The following SH3BGRL variants were observed in gnomAD, a reference collection of about 807,000 sequenced individuals.
The protein encoded by SH3BGRL is adapter SH3BGRL.
Under a neutral mutation model 9.8 loss-of-function variants are expected in SH3BGRL, and 7 were observed. The ratio of observed to expected loss-of-function variants is 0.72; its 90% confidence interval spans 0.41 to 1.35. The LOEUF (loss-of-function observed/expected upper bound fraction) is 1.35. Ranked by LOEUF, SH3BGRL falls within the 40% of genes most tolerant of loss-of-function variation. The probability of loss-of-function intolerance (pLI) is 0.01; values close to 1 mark genes in which losing one functional copy is unlikely to be tolerated. For synonymous variants in SH3BGRL, 36 were observed against 29.1 expected (o/e 1.24, Z -0.76); for missense variants, 73 against 84.4 (o/e 0.86, Z 0.53).
intron 3 of SH3BGRL, 38 bp downstream of exon 3, chrX:81,278,449 T>A (rs749645888): frequency 1.1e-6 from 1 of 878,565 alleles, no homozygotes; most frequent in African/African-American, 2.0e-5. Flanking sequence ...TAGGTCATTT[T>A]ATTGCTGCTG....
At chrX:81,273,236 C>A (rs941879629) in intron 1 of SH3BGRL, among the ~76,000 whole-genome samples, 1 of 112,531 alleles carries the variant, frequency 8.9e-6, no homozygotes, top group East Asian at 2.8e-4. Context: ...TAAGCTTAGT[C>A]TAAGTGGCAT....
intron 1 of SH3BGRL, among the ~76,000 whole-genome samples, chrX:81,209,008 T>G (rs1335599681): frequency 9.9e-6 from 1 of 101,410 alleles, no homozygotes; most frequent in African/African-American, 3.6e-5. Flanking sequence ...CTAAGTTTTT[T>G]TTTTTTTTTT....
chrX:81,283,811 T>G (rs1394158716), intron 3 of SH3BGRL, among the ~76,000 whole-genome samples: 1 of 110,644 alleles, frequency 9.0e-6, no homozygotes, highest in Non-Finnish European at 1.9e-5. Flanking sequence ...ACTGGAAGTC[T>G]TAGCCATTGC....
At chrX:81,269,593 G>A (rs905652303) in intron 1 of SH3BGRL, among the ~76,000 whole-genome samples, 1 of 111,841 alleles carries the variant, frequency 8.9e-6, no homozygotes, top group Non-Finnish European at 1.9e-5. Flanking sequence ...TCCACTGTTA[G>A]TCTGATGGGC....
At chrX:81,206,230 T>C (rs1302186790) in intron 1 of SH3BGRL, among the ~76,000 whole-genome samples, 1 of 111,214 alleles carries the variant, frequency 9.0e-6, no homozygotes, top group Non-Finnish European at 1.9e-5. Context: ...TATAGTTCCA[T>C]TTGTCTATTT....
chrX:81,288,057 G>T, intron 3 of SH3BGRL, among the ~76,000 whole-genome samples: 1 of 111,342 alleles, frequency 9.0e-6, no homozygotes, highest in African/African-American at 3.3e-5. Context: ...TTAGCAAACA[G>T]AATTCAACAC....
At chrX:81,259,322 G>A (rs1384812397) in intron 1 of SH3BGRL, among the ~76,000 whole-genome samples, 1 of 112,026 alleles carries the variant, frequency 8.9e-6, no homozygotes, top group African/African-American at 3.2e-5. Context: ...AGAAGGTGGT[G>A]AGTTGGAGAA....
intron 3 of SH3BGRL, among the ~76,000 whole-genome samples, chrX:81,281,209 C>G (rs1356726465): frequency 1.8e-5 from 2 of 110,800 alleles, no homozygotes; most frequent in Non-Finnish European, 3.8e-5. Flanking sequence ...AATTGGAGTT[C>G]CTGAGGAAGA....
At chrX:81,222,735 G>A (rs1336668798) in intron 1 of SH3BGRL, among the ~76,000 whole-genome samples, 1 of 111,480 alleles carries the variant, frequency 9.0e-6, no homozygotes, top group Non-Finnish European at 1.9e-5. Flanking sequence ...CCAAATGCCT[G>A]AGGAATCGCC....
intron 1 of SH3BGRL, among the ~76,000 whole-genome samples, chrX:81,239,893 C>A (rs910968007): frequency 2.7e-5 from 3 of 112,185 alleles, no homozygotes; most frequent in South Asian, 3.7e-4. Flanking sequence ...AGGAGAACAA[C>A]TTTAACCCAA....
chrX:81,239,713 C>T (rs2075661836), intron 1 of SH3BGRL, among the ~76,000 whole-genome samples: 1 of 111,873 alleles, frequency 8.9e-6, no homozygotes, highest in South Asian at 3.7e-4. Flanking sequence ...AAAACTGCCT[C>T]AAGGCATTTA....
At chrX:81,297,142 G>A (rs1244840274) in intron 3 of SH3BGRL, 53 bp from the exon 4 acceptor site, 2 of 1,070,041 alleles carry the variant, frequency 1.9e-6, no homozygotes, top group Admixed American at 2.2e-5. Flanking sequence ...ATACACATGG[G>A]TGTCTGCTCT....
intron 3 of SH3BGRL, among the ~76,000 whole-genome samples, chrX:81,294,008 A>G (rs1050728799): frequency 9.0e-6 from 1 of 111,511 alleles, no homozygotes; most frequent in Non-Finnish European, 1.9e-5. Context: ...CTGGTAGAAG[A>G]AATTTTGAAG....
rs758353160 is a variant in SH3BGRL at position 81,297,275 on chromosome X, C to CTTT, written c.*50_*52dup. The CTTT allele has an allele frequency of 9.5e-7, 1 of 1,053,179 alleles. No individual in the cohort carries two copies. Among genetic ancestry groups the CTTT allele is most frequent in the Non-Finnish European group, 1.3e-6 (1 of 762,488 alleles). The allele number at this position is 1,053,179 out of a possible 1,213,427, so 86.8% of individuals were successfully genotyped here. ...CATCCTGAAAAATGAGTCTCCATTG[C>CTTT]TTTTATAAAATAGCAGAATTAGCTT... On this transcript the variant is annotated 3_prime_UTR_variant, in exon 4 of 4. Transcript: ENST00000373212.
At chrX:81,235,122 T>C (rs1372756) in intron 1 of SH3BGRL, among the ~76,000 whole-genome samples, 19,602 of 110,882 alleles carry the variant, frequency 0.18, 1,641 homozygotes, top group East Asian at 0.68. Flanking sequence ...TTTGAGGATT[T>C]AGAGATAATG....
intron 1 of SH3BGRL, among the ~76,000 whole-genome samples, chrX:81,229,826 T>A (rs1036432398): frequency 8.9e-6 from 1 of 111,836 alleles, no homozygotes; most frequent in African/African-American, 3.3e-5. Flanking sequence ...AAGGTGGTCT[T>A]GGGAAATGCA....
At chrX:81,275,310 G>C (rs57375588) in intron 1 of SH3BGRL, among the ~76,000 whole-genome samples, 1 of 110,835 alleles carries the variant, frequency 9.0e-6, no homozygotes, top group African/African-American at 3.3e-5. Flanking sequence ...CGTTGCCCAG[G>C]CCAGTCTCGA....
chrX:81,205,484 A>ATG (rs1323276117), intron 1 of SH3BGRL, among the ~76,000 whole-genome samples: 1 of 91,300 alleles, frequency 1.1e-5, no homozygotes, highest in Non-Finnish European at 2.1e-5. Flanking sequence ...GTGTGTATAT[A>ATG]TATGTGTGTG....
At chrX:81,204,942 T>A (rs1213250418) in intron 1 of SH3BGRL, among the ~76,000 whole-genome samples, 1 of 112,830 alleles carries the variant, frequency 8.9e-6, no homozygotes, top group Non-Finnish European at 1.9e-5. Flanking sequence ...TTATTTTTAT[T>A]GATATATCAT....
Sources: gnomAD v4.1 joint callset for allele counts (sites outside exome capture counted in the v4.1 genomes callset) on GRCh38, gnomAD v4.1.1 for gene constraint, MANE v1.5 for transcripts, NCBI Gene and HGNC (gene_info 2026-07-23, HGNC 2026-07-21) for gene names.